Variants in MEIOC observed in about 807,000 individuals in gnomAD.
MEIOC encodes meiosis-specific coiled-coil domain-containing protein MEIOC.
A neutral mutation model predicts 85.3 loss-of-function variants in MEIOC; 9 were observed. The observed-to-expected ratio is 0.11, with a 90% CI of 0.06 to 0.18. The LOEUF (loss-of-function observed/expected upper bound fraction) is 0.18, where lower values mean the gene tolerates loss of function less well. MEIOC is among the 10% of genes least tolerant of loss of function. The probability of loss-of-function intolerance (pLI) is 1.00; values close to 1 mark genes in which losing one functional copy is unlikely to be tolerated. For missense variants in MEIOC, 898 were observed against 1,129.4 expected (o/e 0.80, Z 2.94); for synonymous variants, 365 against 393.7 (o/e 0.93, Z 0.86).
At chr17:44,662,640 T>G (rs1361939613) in intron 3 of MEIOC, among the ~76,000 whole-genome samples, 169 bp downstream of exon 3, 1 of 152,210 alleles carries the variant, frequency 6.6e-6, no homozygotes, top group Non-Finnish European at 1.5e-5. Context: ...TGTATAGTTT[T>G]TACGGTGTTT....
At position 44,667,890 on chromosome 17, in the gene MEIOC, C is replaced by A. The variant is rs1971933134; in HGVS notation, c.1979C>A (p.Thr660Lys). The A allele has an allele frequency of 1.2e-6, 2 of 1,613,780 alleles. No individual in the cohort carries two copies. The highest frequency in any genetic ancestry group is 1.7e-6 in the Non-Finnish European group (2 of 1,179,856). ...GGAGACAATAGCCGTGTGAATCGCACACAAGTGTCATGCTTTTCTAATAAT... is the reference window on the plus strand; with the variant it reads ...GGAGACAATAGCCGTGTGAATCGCAAACAAGTGTCATGCTTTTCTAATAAT... ...RGGDNSRVNR[T>K]QVSCFSNNYM... Residue 660 changes from threonine to lysine, a missense_variant, in exon 5 of 8, where the codon ACA becomes AAA. Around this residue, in one of 2 missense-constraint regions of MEIOC, gnomAD observed 734 missense variants for 860.1 expected, o/e 0.85. Transcript: ENST00000409122.
chr17:44,665,256 C>T (rs1971889200), intron 3 of MEIOC, 128 bp from the exon 4 acceptor site: 2 of 874,774 alleles, frequency 2.3e-6, no homozygotes, highest in African/African-American at 3.5e-5. Flanking sequence ...GAGTTCTAGT[C>T]TCTTCTTTAT....
chr17:44,667,995 C>G lies in MEIOC; in HGVS notation c.2084C>G (p.Pro695Arg), dbSNP rs1568134735. The change falls in exon 5 of 8, where the codon CCA becomes CGA. Residue 695 changes from proline to arginine, a missense_variant. This residue lies in a region of MEIOC where 734 missense variants were observed against 860.1 expected (regional missense o/e 0.85). Coordinates refer to ENST00000409122, the MANE Select transcript of MEIOC (RefSeq NM_001145080.3). Reference sequence around the variant, plus strand: ...GGGTTTCCCCTAAGATCCACCCACCCATTTGGCCATTCAGTTGTTCCACTG... The same window carrying G: ...GGGTTTCCCCTAAGATCCACCCACCGATTTGGCCATTCAGTTGTTCCACTG... Reference protein sequence around the residue: ...SNGFPLRSTHPFGHSVVPLLD... With the variant: ...SNGFPLRSTHRFGHSVVPLLD... 6.2e-7 allele frequency: 1 copy of G among 1,613,766 alleles called. No individual in the cohort carries two copies. The highest frequency in any genetic ancestry group is 8.5e-7 in the Non-Finnish European group (1 of 1,179,750).
Position 44,656,508 on chromosome 17 carries a change from C to T in MEIOC, c.-106C>T, listed in dbSNP as rs1348598522. The T allele has an allele frequency of 4.3e-6, 4 of 940,484 alleles. No homozygotes were observed. Among genetic ancestry groups the T allele is most frequent in the Non-Finnish European group, 4.4e-6 (3 of 687,850 alleles). 58.3% of individuals were successfully genotyped at this position (940,484 alleles called of 1,614,324 possible). ...AGCGCCCGGGCGGCGGAGGCGGCTG[C>T]GGAGACGGCGGGGTGCGGGCTGAGG... On this transcript the variant is annotated 5_prime_UTR_variant, in exon 1 of 8. Transcript: ENST00000409122.
Position 44,675,026 on chromosome 17 carries a change from T to G in MEIOC, c.*830T>G. 1 of 985,178 alleles carries G rather than the reference T, an allele frequency of 1.0e-6. No homozygotes were observed. The highest frequency in any genetic ancestry group is 1.2e-6 in the Non-Finnish European group (1 of 829,692). The allele number at this position is 985,178 out of a possible 1,614,324, so 61.0% of individuals were successfully genotyped here. ...ACTGAAATAATGACTACTGTTTTAA[T>G]ACCCTTAGTTTGCTGCCTTTTATGA... On this transcript the variant is annotated 3_prime_UTR_variant, in exon 8 of 8. Transcript: ENST00000409122.
chr17:44,656,561 AC>A lies in MEIOC; in HGVS notation c.-48del. 6 of 1,292,852 alleles carry A rather than the reference AC, an allele frequency of 4.6e-6. No individual in the cohort carries two copies. The highest frequency in any genetic ancestry group is 1.9e-5 in the South Asian group (1 of 52,446). 80.1% of individuals were successfully genotyped at this position (1,292,852 alleles called of 1,614,324 possible). On this transcript the variant is annotated 5_prime_UTR_variant, in exon 1 of 8. Coordinates refer to ENST00000409122, the MANE Select transcript of MEIOC (RefSeq NM_001145080.3). ...GCCGGGCCTGGACGCCCCCCCCATCACCCCCGTACCCCAGGAGCTGTGCCTA... is the reference window on the plus strand; with the variant it reads ...GCCGGGCCTGGACGCCCCCCCCATCACCCCGTACCCCAGGAGCTGTGCCTA...
chr17:44,670,272 A>AG (rs899754053), intron 6 of MEIOC: 2 of 150,288 alleles, frequency 1.3e-5, no homozygotes, highest in Non-Finnish European at 1.5e-5. Context: ...CAAAAAAAAA[A>AG]AAAAAAGAAA....
At chr17:44,656,817 C>A (rs1022396599) in intron 1 of MEIOC, 135 bp downstream of exon 1, 7 of 8,810 alleles carry the variant, frequency 7.9e-4, no homozygotes, top group South Asian at 3.3e-3. Context: ...CCGAACGGGG[C>A]GGGCGGGCGG....
intron 2 of MEIOC, among the ~76,000 whole-genome samples, chr17:44,658,495 C>T (rs1052053707): frequency 1.0e-4 from 15 of 149,678 alleles, no homozygotes; most frequent in Admixed American, 8.7e-4. Flanking sequence ...ACATACTTTG[C>T]TTTGAAAATA....
At chr17:44,656,845 G>A (rs1971764214) in intron 1 of MEIOC, among the ~76,000 whole-genome samples, 163 bp downstream of exon 1, 1 of 149,664 alleles carries the variant, frequency 6.7e-6, no homozygotes, top group Non-Finnish European at 1.5e-5. Flanking sequence ...GGCGCGGGCT[G>A]ACTGGACGGG....
At chr17:44,673,867 A>G in intron 7 of MEIOC, 109 bp from the exon 8 acceptor site, 1 of 1,305,764 alleles carries the variant, frequency 7.7e-7, no homozygotes, top group Non-Finnish European at 1.0e-6. Flanking sequence ...TCCTTTTTTT[A>G]CAAAAATAAC....
Position 44,675,544 on chromosome 17 carries a change from A to G in MEIOC, c.*1348A>G, listed in dbSNP as rs1972064556. 2.0e-6 allele frequency: 2 copies of G among 982,948 alleles called. No homozygotes were observed. The highest frequency in any genetic ancestry group is 2.4e-6 in the Non-Finnish European group (2 of 827,832). The allele number at this position is 982,948 out of a possible 1,614,324, so 60.9% of individuals were successfully genotyped here. ...AAAAAGAGTGTAATCATACCACATA[A>G]ATTTTCTTTAGATGATGTGCAGAAG... On this transcript the variant is annotated 3_prime_UTR_variant, in exon 8 of 8. Coordinates refer to ENST00000409122, the MANE Select transcript of MEIOC (RefSeq NM_001145080.3).
chr17:44,664,070 A>G (rs1377169332), intron 3 of MEIOC, among the ~76,000 whole-genome samples: 2 of 152,168 alleles, frequency 1.3e-5, no homozygotes, highest in East Asian at 3.8e-4. Flanking sequence ...GTTACAATTT[A>G]TTATAAAACA....
chr17:44,665,585 C>A, intron 4 of MEIOC, 97 bp downstream of exon 4: 1 of 462,208 alleles, frequency 2.2e-6, no homozygotes, highest in Non-Finnish European at 3.7e-6. Context: ...AATAGTGGAT[C>A]ATCTGACAGT....
Position 44,667,430 on chromosome 17 carries a change from G to C in MEIOC, c.1519G>C (p.Ala507Pro), listed in dbSNP as rs752124964. ...LMKLNSHLSA[A>P]SKGSNHSSDF... ...GAAATTAAATAGTCATTTAAGTGCA[G>C]CTTCAAAAGGTTCTAACCATTCTTC... is the stretch of plus-strand genomic sequence containing the variant. Residue 507 changes from alanine (A) to proline (P), a missense_variant, in exon 5 of 8, where the codon GCT becomes CCT. Around this residue, in one of 2 missense-constraint regions of MEIOC, gnomAD observed 734 missense variants for 860.1 expected, o/e 0.85. Coordinates refer to ENST00000409122, the MANE Select transcript of MEIOC (RefSeq NM_001145080.3). 8.7e-6 allele frequency: 14 copies of C among 1,613,530 alleles called. No homozygotes were observed. In the African/African-American group the frequency reaches 1.5e-4, roughly 17 times the overall value.
chr17:44,669,324 T>C lies in MEIOC; in HGVS notation c.2323-59T>C. 3 of 1,367,088 alleles carry C rather than the reference T, an allele frequency of 2.2e-6. No individual in the cohort carries two copies. In the South Asian group the frequency reaches 4.0e-5, roughly 18 times the overall value. 84.7% of individuals were successfully genotyped at this position (1,367,088 alleles called of 1,614,324 possible). A position where few individuals can be genotyped will look rare whatever the true frequency, so the allele number is the denominator to read the frequency against. On this transcript the variant is annotated intron_variant, in intron 5 of 7. Transcript: ENST00000409122. ...TTTATTAGGCTTACGAAAACTATTATTCATGGTCGAATCATATTTAGAAAA... is the reference window on the plus strand; with the variant it reads ...TTTATTAGGCTTACGAAAACTATTACTCATGGTCGAATCATATTTAGAAAA...
At chr17:44,673,271 A>T (rs1972035509) in intron 6 of MEIOC, 95 bp from the exon 7 acceptor site, 1 of 848,818 alleles carries the variant, frequency 1.2e-6, no homozygotes, top group African/African-American at 1.8e-5. Context: ...AATGAATATT[A>T]TTGCTGTCAT....
chr17:44,669,671 C>A (rs951454836), intron 6 of MEIOC, 154 bp downstream of exon 6: 5 of 671,580 alleles, frequency 7.4e-6, no homozygotes, highest in Non-Finnish European at 1.3e-5. Flanking sequence ...ACCAGCCTGG[C>A]CATTATGGTG....
chr17:44,660,883 A>G (rs1350188185), intron 2 of MEIOC, among the ~76,000 whole-genome samples: 1 of 151,748 alleles, frequency 6.6e-6, no homozygotes, highest in Non-Finnish European at 1.5e-5. Context: ...GCTTGAGGCC[A>G]GGAGTTTAAG....
Sources: allele counts gnomAD v4.1 joint callset (sites outside exome capture counted in the v4.1 genomes callset), GRCh38; gene constraint gnomAD v4.1.1; regional missense constraint gnomAD v4.1.1; transcripts MANE v1.5; gene names NCBI Gene and HGNC (gene_info 2026-07-23, HGNC 2026-07-21).